The following TRMT1L variants were observed in gnomAD, a reference collection of about 807,000 sequenced individuals.
The protein encoded by TRMT1L is tRNA (guanine(27)-N(2))-dimethyltransferase.
TRMT1L carries 28 observed loss-of-function variants against 81.6 expected under a neutral mutation model. The observed-to-expected ratio is 0.34, with a 90% confidence interval of 0.25 to 0.47. The LOEUF (loss-of-function observed/expected upper bound fraction) is 0.47, where lower values mean the gene tolerates loss of function less well. TRMT1L is among the 20% of genes least tolerant of loss of function. The pLI, the probability that TRMT1L is intolerant of heterozygous loss-of-function variation, is 1.00. For synonymous variants in TRMT1L, 301 were observed against 303.2 expected, an observed-to-expected ratio of 0.99 and a Z score of 0.07; for missense variants, 739 against 877.1, an observed-to-expected ratio of 0.84 and a Z score of 1.99.
chr1:185,120,521 A>C lies in TRMT1L; in HGVS notation c.1823-12T>G. 1 of 1,554,472 alleles carries C rather than the reference A, an allele frequency of 6.4e-7. No individual in the cohort carries two copies. Among genetic ancestry groups the C allele is most frequent in the Non-Finnish European group, 8.6e-7 (1 of 1,157,154 alleles). On this transcript the variant is annotated splice_polypyrimidine_tract_variant and intron_variant, in intron 13 of 14. Transcript: ENST00000367506. ...ACTTTTTCTCTTTCCTGCAACATAC[A>C]CATACAAAGTTAGCATGCTCTTAAA...
rs542009603 is a variant in TRMT1L at position 185,146,092 on chromosome 1, T to C, written c.526-524A>G. Among the ~76,000 whole-genome samples, 3 of 152,144 alleles carry C rather than the reference T, an allele frequency of 2.0e-5. No individual in the cohort carries two copies. In the East Asian group the frequency reaches 5.8e-4, roughly 29 times the overall value. ...AGCAGACATAACAGATGTAAATAAC[T>C]GTAAGTGCACAGATAATATTAAAAT... is the stretch of plus-strand genomic sequence containing the variant. On this transcript the variant is annotated intron_variant, in intron 4 of 14. Transcript: ENST00000367506.
intron 5 of TRMT1L, among the ~76,000 whole-genome samples, chr1:185,144,656 A>G (rs1233686171): frequency 6.6e-6 from 1 of 152,040 alleles, no homozygotes; most frequent in Admixed American, 6.6e-5. Context: ...ATATATGTGC[A>G]TATGTTTTAA....
At position 185,140,015 on chromosome 1, in the gene TRMT1L, A is replaced by G; in HGVS notation, c.1067T>C (p.Met356Thr). The G allele has an allele frequency of 6.2e-7, 1 of 1,613,746 alleles. No homozygotes were observed. Among genetic ancestry groups the G allele is most frequent in the Non-Finnish European group, 8.5e-7 (1 of 1,179,810 alleles). ...CAAATGCATCAGTACATTGGCATCC[A>G]TTTTGGTCACCTTAATATTACCAAG... Reference protein sequence around the residue: ...KNLGNIKVTKMDANVLMHLRS... With the variant: ...KNLGNIKVTKTDANVLMHLRS... Residue 356 changes from methionine to threonine, a missense_variant, in exon 8 of 15, where the codon ATG (methionine) becomes ACG (threonine). Coordinates refer to ENST00000367506, the MANE Select transcript of TRMT1L (RefSeq NM_030934.5).
At position 185,120,529 on chromosome 1, in the gene TRMT1L, A is replaced by C; in HGVS notation, c.1823-20T>G. ...TCTTTCCTGCAACATACACATACAA[A>C]GTTAGCATGCTCTTAAAAATTACAA... On this transcript the variant is annotated intron_variant, in intron 13 of 14. Coordinates refer to ENST00000367506, the MANE Select transcript of TRMT1L (RefSeq NM_030934.5). The C allele has an allele frequency of 1.3e-6, 2 of 1,542,414 alleles. No homozygotes were observed. Among genetic ancestry groups the C allele is most frequent in the Non-Finnish European group, 1.7e-6 (2 of 1,151,494 alleles).
chr1:185,122,350 A>T (rs906411695), intron 13 of TRMT1L, among the ~76,000 whole-genome samples: 14 of 152,224 alleles, frequency 9.2e-5, no homozygotes, highest in African/African-American at 3.1e-4. Flanking sequence ...CATATAATTT[A>T]AAAGTTATAG....
intron 12 of TRMT1L, 105 bp from the exon 13 acceptor site, chr1:185,124,024 C>T (rs1652561695): frequency 9.6e-6 from 6 of 622,240 alleles, no homozygotes; most frequent in South Asian, 2.6e-5. Flanking sequence ...ACTATTTTCA[C>T]GAATATGCAA....
rs147876209 is a variant in TRMT1L, at chr1:185,148,444, C to T, written c.461-1198G>A. Among the ~76,000 whole-genome samples the T allele has an allele frequency of 2.0e-3, 304 of 152,292 alleles. 2 individuals are homozygous for T. Among genetic ancestry groups the T allele is most frequent in the Non-Finnish European group, 3.5e-3 (235 of 68,008 alleles). The stretch of plus-strand genomic sequence containing the variant: ...CTCTCACACCTCACATCCATTCCTT[C>T]GGCAGATTTGGTTGCTTCTACCTTC... On this transcript the variant is annotated intron_variant, in intron 3 of 14. Transcript: ENST00000367506.
intron 5 of TRMT1L, among the ~76,000 whole-genome samples, chr1:185,145,099 G>A (rs1653154347): frequency 6.6e-6 from 1 of 151,772 alleles, no homozygotes; most frequent in Admixed American, 6.6e-5. Context: ...TTATTTCACT[G>A]TATCTTTTTT....
chr1:185,137,188 C>G (rs1005652644), intron 10 of TRMT1L, among the ~76,000 whole-genome samples: 2 of 152,170 alleles, frequency 1.3e-5, no homozygotes, highest in Non-Finnish European at 2.9e-5. Context: ...ATCCCCAGGC[C>G]TGGCATATAG....
chr1:185,149,942 C>A (rs1172096534), intron 3 of TRMT1L, among the ~76,000 whole-genome samples: 1 of 152,026 alleles, frequency 6.6e-6, no homozygotes, highest in Non-Finnish European at 1.5e-5. Flanking sequence ...TGTATCCCAC[C>A]ATTCTGAATT....
chr1:185,134,167 CG>C (rs66478258), intron 10 of TRMT1L, among the ~76,000 whole-genome samples: 15,167 of 151,974 alleles, frequency 0.1, 976 homozygotes, highest in East Asian at 0.25. Flanking sequence ...ATAAGACTTA[CG>C]GAACTATTTG....
At chr1:185,127,759 CAA>C (rs986438990) in intron 11 of TRMT1L, among the ~76,000 whole-genome samples, 220 of 36,422 alleles carry the variant, frequency 6.0e-3, no homozygotes, top group African/African-American at 0.019. Flanking sequence ...AACTCTGTCT[CAA>C]AAAAAAAAAA....
chr1:185,152,470 G>A (rs1014484214), intron 1 of TRMT1L, among the ~76,000 whole-genome samples: 2 of 152,226 alleles, frequency 1.3e-5, no homozygotes, highest in African/African-American at 2.4e-5. Context: ...TGAAGATGCA[G>A]TACAGACCAA....
intron 1 of TRMT1L, among the ~76,000 whole-genome samples, chr1:185,154,977 A>C (rs1653455466): frequency 1.3e-5 from 2 of 152,174 alleles, no homozygotes; most frequent in African/African-American, 4.8e-5. Flanking sequence ...GGCTATCTTC[A>C]TCTTACCTAG....
chr1:185,129,155 A>T (rs1317152658), intron 10 of TRMT1L, among the ~76,000 whole-genome samples: 3 of 149,094 alleles, frequency 2.0e-5, no homozygotes, highest in Non-Finnish European at 4.4e-5. Flanking sequence ...AAAGTTTACA[A>T]GAGATCCATA....
chr1:185,138,322 T>TTA (rs1211750164), intron 9 of TRMT1L, among the ~76,000 whole-genome samples: 1 of 152,180 alleles, frequency 6.6e-6, no homozygotes, highest in Non-Finnish European at 1.5e-5. Context: ...TACATTTAAT[T>TTA]TATATATATT....
intron 12 of TRMT1L, among the ~76,000 whole-genome samples, chr1:185,124,205 G>A (rs1652566613): frequency 6.6e-6 from 1 of 152,132 alleles, no homozygotes; most frequent in South Asian, 2.1e-4. Flanking sequence ...TAGCTTTACT[G>A]AATGAGAAGT....
At chr1:185,149,990 A>T (rs940752463) in intron 3 of TRMT1L, among the ~76,000 whole-genome samples, 1 of 152,174 alleles carries the variant, frequency 6.6e-6, no homozygotes, top group Admixed American at 6.5e-5. Context: ...CATCAGCAGA[A>T]AGAGATATTA....
Position 185,137,702 on chromosome 1 carries a change from T to C in TRMT1L, c.1417A>G (p.Thr473Ala), listed in dbSNP as rs773631363. ...TTCTTGGCTGTTTCATCTGCTGAAG[T>C]AGGTCCCCTCAAAACTCTCACAACT... is the stretch of plus-strand genomic sequence containing the variant. ...LVVVRVLRGP[T>A]SADETAKKIQ... is the part of the protein sequence containing the mutation. The change falls in exon 10 of 15, where the codon ACT (threonine) becomes GCT (alanine). Residue 473 changes from threonine (T) to alanine (A), a missense_variant. Transcript: ENST00000367506. 13 of 1,614,028 alleles carry C rather than the reference T, an allele frequency of 8.1e-6. No homozygotes were observed. The highest frequency in any genetic ancestry group is 1.6e-4 in the Middle Eastern group (1 of 6,084).
Sources: allele counts gnomAD v4.1 joint callset (sites outside exome capture counted in the v4.1 genomes callset), GRCh38; gene constraint gnomAD v4.1.1; transcripts MANE v1.5; gene names NCBI Gene and HGNC (gene_info 2026-07-23, HGNC 2026-07-21).